The following SUCLG2 variants were observed in gnomAD, a reference collection of about 807,000 sequenced individuals.
The protein encoded by SUCLG2 is succinate-CoA ligase GDP-forming subunit beta.
A neutral mutation model predicts 47.9 loss-of-function variants in SUCLG2; 42 were observed. That is an observed-to-expected ratio of 0.88 (90% CI 0.69 to 1.14). The LOEUF (loss-of-function observed/expected upper bound fraction) is 1.14, where lower values mean the gene tolerates loss of function less well. Ranked by LOEUF, SUCLG2 falls within the 50% of genes most tolerant of loss-of-function variation. SUCLG2 has a pLI of 0.00. For synonymous variants in SUCLG2, 195 were observed against 197.3 expected (o/e 0.99, Z 0.10); for missense variants, 571 against 525.9 (o/e 1.09, Z -0.84).
chr3:67,445,054 C>A (rs1261025413), intron 9 of SUCLG2, among the ~76,000 whole-genome samples: 2 of 62,882 alleles, frequency 3.2e-5, no homozygotes, highest in African/African-American at 1.1e-4. Context: ...GGCGCCTCTG[C>A]CCGGCCCCCC....
At chr3:67,388,367 T>G (rs1702304315) in intron 10 of SUCLG2, among the ~76,000 whole-genome samples, 1 of 152,188 alleles carries the variant, frequency 6.6e-6, no homozygotes, top group African/African-American at 2.4e-5. Context: ...TTTCTTCCTC[T>G]TGTGGGAATT....
intron 9 of SUCLG2, among the ~76,000 whole-genome samples, chr3:67,439,267 CCACAGACAATATCA>C (rs1703699437): frequency 1.3e-5 from 2 of 152,062 alleles, no homozygotes; most frequent in African/African-American, 4.8e-5. Flanking sequence ...TATGACAATC[CCACAGACAATATCA>C]CACTGAATGG....
intron 2 of SUCLG2, among the ~76,000 whole-genome samples, chr3:67,594,794 T>C (rs1015580188): frequency 2.6e-5 from 4 of 152,208 alleles, no homozygotes; most frequent in Admixed American, 2.6e-4. Context: ...ATCAGTAAGA[T>C]AGTAAAGCTA....
intron 1 of SUCLG2, among the ~76,000 whole-genome samples, chr3:67,644,122 T>G (rs1350376092): frequency 6.6e-6 from 1 of 152,194 alleles, no homozygotes; most frequent in Admixed American, 6.5e-5. Context: ...CCAAGCTACA[T>G]ATGATACAAC....
intron 9 of SUCLG2, among the ~76,000 whole-genome samples, chr3:67,492,112 G>T (rs894070563): frequency 1.3e-5 from 2 of 152,132 alleles, no homozygotes; most frequent in African/African-American, 4.8e-5. Context: ...TTCAAAGTTG[G>T]ATCTAAACCA....
intron 9 of SUCLG2, among the ~76,000 whole-genome samples, chr3:67,482,176 T>G (rs1221155411): frequency 6.7e-6 from 1 of 150,004 alleles, no homozygotes; most frequent in Non-Finnish European, 1.5e-5. Context: ...TGAGACTATC[T>G]CAATAAGAAG....
intron 9 of SUCLG2, among the ~76,000 whole-genome samples, chr3:67,423,434 C>T (rs2106865305): frequency 6.6e-6 from 1 of 152,216 alleles, no homozygotes. Context: ...TATGCATTTC[C>T]ATAAAATGCA....
chr3:67,461,438 A>G (rs1368569554), intron 9 of SUCLG2, among the ~76,000 whole-genome samples: 2 of 152,160 alleles, frequency 1.3e-5, no homozygotes, highest in Non-Finnish European at 2.9e-5. Flanking sequence ...AAGAAGCACA[A>G]AGATGGCATT....
In SUCLG2 at chr3:67,476,131, A is replaced by G. The variant is rs1008513730; in HGVS notation, c.1062+19667T>C. ...TTTATATGTTGATTCTGAGAAACCA[A>G]GAGTCAGGTGCACATTCATGTTATA... On this transcript the variant is annotated intron_variant, in intron 9 of 10. Transcript: ENST00000307227. Among the ~76,000 whole-genome samples the G allele has an allele frequency of 2.0e-5, 3 of 152,040 alleles. No homozygotes were observed. In the East Asian group the frequency reaches 5.8e-4, roughly 29 times the overall value.
intron 10 of SUCLG2, among the ~76,000 whole-genome samples, chr3:67,397,001 T>G (rs1191773355): frequency 6.6e-6 from 1 of 151,590 alleles, no homozygotes; most frequent in African/African-American, 2.4e-5. Flanking sequence ...CTCAATAAAT[T>G]AGGTATTGAT....
chr3:67,523,557 C>G lies in SUCLG2; in HGVS notation c.418-2923G>C, dbSNP rs1022666862. ...ATATTTGAAGCAAAAATACTTAGCCCTATTCTTTCCTTATAAAATACAGTA... is the reference window on the plus strand; with the variant it reads ...ATATTTGAAGCAAAAATACTTAGCCGTATTCTTTCCTTATAAAATACAGTA... On this transcript the variant is annotated intron_variant, in intron 4 of 10. Transcript: ENST00000307227. 2.5e-4 allele frequency among the ~76,000 whole-genome samples: 38 copies of G among 152,106 alleles called. 1 individual carries two copies.
intron 9 of SUCLG2, among the ~76,000 whole-genome samples, chr3:67,414,070 A>T (rs1261285113): frequency 6.6e-6 from 1 of 152,128 alleles, no homozygotes; most frequent in Non-Finnish European, 1.5e-5. Flanking sequence ...TATTTTCATG[A>T]TTGCTTTGAA....
intron 2 of SUCLG2, among the ~76,000 whole-genome samples, chr3:67,585,637 C>A (rs937817787): frequency 6.6e-6 from 1 of 152,106 alleles, no homozygotes; most frequent in African/African-American, 2.4e-5. Context: ...ATGCTTCTCC[C>A]AGCTACCACT....
chr3:67,611,154 T>G (rs576077340), intron 1 of SUCLG2, among the ~76,000 whole-genome samples: 1 of 152,226 alleles, frequency 6.6e-6, no homozygotes, highest in Non-Finnish European at 1.5e-5. Context: ...ATATAATGTA[T>G]ACATGCTGGT....
intron 8 of SUCLG2, among the ~76,000 whole-genome samples, chr3:67,497,360 T>C (rs1431664572): frequency 2.6e-5 from 4 of 152,172 alleles, no homozygotes; most frequent in Non-Finnish European, 5.9e-5. Context: ...AGAAACACAG[T>C]CTTGTGCAAT....
At chr3:67,590,552 TCCCAC>T (rs1196223367) in intron 2 of SUCLG2, among the ~76,000 whole-genome samples, 3 of 152,118 alleles carry the variant, frequency 2.0e-5, no homozygotes, top group African/African-American at 7.2e-5. Context: ...CTATGGCACC[TCCCAC>T]CTCCCACTCG....
chr3:67,616,285 C>T (rs1249237694), intron 1 of SUCLG2, among the ~76,000 whole-genome samples: 2 of 152,066 alleles, frequency 1.3e-5, no homozygotes, highest in African/African-American at 4.8e-5. Flanking sequence ...CTAATCTAGC[C>T]TATTAAGTCT....
intron 2 of SUCLG2, among the ~76,000 whole-genome samples, chr3:67,575,463 T>C (rs183903288): frequency 2.6e-5 from 4 of 152,254 alleles, no homozygotes; most frequent in Admixed American, 2.0e-4. Flanking sequence ...TTATATGCAA[T>C]GTCCAGAAAA....
intron 1 of SUCLG2, among the ~76,000 whole-genome samples, chr3:67,639,313 T>C (rs1231322791): frequency 1.3e-5 from 2 of 152,098 alleles, no homozygotes; most frequent in African/African-American, 4.8e-5. Flanking sequence ...GTCAATGATA[T>C]TGATACTTAA....
Sources: allele counts gnomAD v4.1 joint callset (sites outside exome capture counted in the v4.1 genomes callset), GRCh38; gene constraint gnomAD v4.1.1; transcripts MANE v1.5; gene names NCBI Gene and HGNC (gene_info 2026-07-23, HGNC 2026-07-21).